The following EPS8L3 variants were observed in gnomAD, a reference collection of about 807,000 sequenced individuals.
The protein encoded by EPS8L3 is EPS8 signaling adaptor L3.
EPS8L3 carries 80 observed loss-of-function variants against 88.5 expected under a neutral mutation model. The ratio of observed to expected loss-of-function variants is 0.90; its 90% CI spans 0.75 to 1.09. The LOEUF (loss-of-function observed/expected upper bound fraction) is 1.09. Among genes scored for constraint, EPS8L3 ranks in the 50% least tolerant of loss-of-function variants. The pLI is 0.00. For missense variants in EPS8L3, 721 were observed against 735.2 expected (o/e 0.98, Z 0.22); for synonymous variants, 286 against 291.0 (o/e 0.98, Z 0.18).
chr1:109,753,968 C>T (rs1163741625), intron 12 of EPS8L3, among the ~76,000 whole-genome samples: 1 of 152,192 alleles, frequency 6.6e-6, no homozygotes, highest in African/African-American at 2.4e-5. Context: ...TCCTTGGGGG[C>T]TGTACCCCTA....
chr1:109,755,617 C>T (rs1650212564), intron 12 of EPS8L3, among the ~76,000 whole-genome samples: 1 of 151,962 alleles, frequency 6.6e-6, no homozygotes, highest in Non-Finnish European at 1.5e-5. Context: ...CCAGCCTGAG[C>T]AACATGGTGA....
chr1:109,751,394 A>T, intron 16 of EPS8L3, 43 bp from the exon 17 acceptor site: 1 of 1,562,766 alleles, frequency 6.4e-7, no homozygotes, highest in Middle Eastern at 1.7e-4. Flanking sequence ...ATCTCATCTC[A>T]CAGCCAACCA....
In EPS8L3 at chr1:109,752,064, C is replaced by T. The variant is rs1649848262; in HGVS notation, c.1365G>A (p.Met455Ile). ...SPKPAQPALK[M>I]QVLYEFEARN... ...TAGCTTCAAACTCGTACAAGACTTG[C>T]ATTTTCAGGGCTGGCTGGGCAGGTT... Residue 455 changes from methionine to isoleucine, a missense_variant, in exon 15 of 19, where the codon ATG becomes ATA. By Grantham distance (10) the Met-to-Ile change is conservative. Transcript: ENST00000361965. The T allele has an allele frequency of 1.9e-6, 3 of 1,614,044 alleles. No homozygotes were observed. The highest frequency in any genetic ancestry group is 2.5e-6 in the Non-Finnish European group (3 of 1,179,988).
chr1:109,761,546 C>T lies in EPS8L3; in HGVS notation c.45G>A (p.Glu15=), dbSNP rs372985088. 89 of 1,613,606 alleles carry T rather than the reference C, an allele frequency of 5.5e-5. No homozygotes were observed. The highest frequency in any genetic ancestry group is 3.3e-4 in the Middle Eastern group (2 of 6,084). ...SSRAIYLHRK[E]YSQNLTSEPT... Reference sequence around the variant, plus strand: ...GCTCTGAGGTGAGGTTCTGGGAGTACTCCTTCCGGTGCACTACAAGGGCAC... The same window carrying T: ...GCTCTGAGGTGAGGTTCTGGGAGTATTCCTTCCGGTGCACTACAAGGGCAC... The change falls in exon 3 of 19, where the codon GAG becomes GAA. Residue 15 remains glutamate, a synonymous_variant. Transcript: ENST00000361965.
intron 1 of EPS8L3, among the ~76,000 whole-genome samples, chr1:109,762,651 A>G (rs1376082139): frequency 2.0e-5 from 3 of 152,158 alleles, no homozygotes; most frequent in Non-Finnish European, 4.4e-5. Context: ...CGTGCCTAGC[A>G]CTGTTCTAAC....
Position 109,761,733 on chromosome 1 carries a change from C to T in EPS8L3, c.17G>A (p.Ser6Asn). 1 of 1,613,966 alleles carries T rather than the reference C, an allele frequency of 6.2e-7. No homozygotes were observed. Among genetic ancestry groups the T allele is most frequent in the African/African-American group, 1.3e-5 (1 of 75,022 alleles). The change falls in exon 2 of 19, where the codon AGC becomes AAC. Residue 6 changes from serine to asparagine, a missense_variant. Ser to Asn is a conservative substitution (Grantham distance 46). Transcript: ENST00000361965. MSRPS[S>N]RAIYLHRKEY... is the part of the protein sequence containing the mutation. The stretch of plus-strand genomic sequence containing the variant: ...CAGGAGCTTACAGTAAATGGCTCTG[C>T]TGCTGGGCCTTGACATGTTGACGCT...
chr1:109,750,767 T>C lies in EPS8L3; in HGVS notation c.1663A>G (p.Thr555Ala). ...TATVRTLGSLTGSQLLRIRPG... is the reference protein window; with the variant it reads ...TATVRTLGSLAGSQLLRIRPG... The stretch of plus-strand genomic sequence containing the variant: ...CTTATGCGAAGTAGCTGGCTCCCCG[T>C]CAGGGACCCAAGTGTCCTCACCGTG... Residue 555 changes from threonine (T) to alanine (A), a missense_variant, in exon 18 of 19, where the codon ACG becomes GCG. By Grantham distance (58) the Thr-to-Ala change is moderately conservative (BLOSUM62 0). Coordinates refer to ENST00000361965, the MANE Select transcript of EPS8L3 (RefSeq NM_133181.4). 6.2e-7 allele frequency: 1 copy of C among 1,614,098 alleles called. No individual in the cohort carries two copies. Among genetic ancestry groups the C allele is most frequent in the Non-Finnish European group, 8.5e-7 (1 of 1,180,024 alleles).
At chr1:109,761,803 A>C in intron 1 of EPS8L3, 30 bp from the exon 2 acceptor site, 2 of 1,605,242 alleles carry the variant, frequency 1.2e-6, no homozygotes, top group Non-Finnish European at 1.7e-6. Flanking sequence ...AGAGGCAGCC[A>C]TCAGAGCTGG....
At chr1:109,756,487 C>G (rs1323917708) in intron 12 of EPS8L3, among the ~76,000 whole-genome samples, 5 of 152,206 alleles carry the variant, frequency 3.3e-5, no homozygotes, top group African/African-American at 1.2e-4. Context: ...ATCCGCCCAC[C>G]TGGCCTCCCA....
In EPS8L3 at chr1:109,750,690, G is replaced by A; in HGVS notation, c.1740C>T (p.Ser580=). The change falls in exon 18 of 19, where the codon TCC becomes TCT. Residue 580 remains serine, a synonymous_variant. Transcript: ENST00000361965. ...GCATCCTTCTGACAGCCTCCAGCCGGGACAGGATTCGTGGGGCCTCCTGTG... is the reference window on the plus strand; with the variant it reads ...GCATCCTTCTGACAGCCTCCAGCCGAGACAGGATTCGTGGGGCCTCCTGTG... The part of the protein sequence containing the change: ...LCPQEAPRIL[S]RLEAVRRMLG... 3 of 1,614,180 alleles carry A rather than the reference G, an allele frequency of 1.9e-6. No homozygotes were observed. Among genetic ancestry groups the A allele is most frequent in the Non-Finnish European group, 2.5e-6 (3 of 1,180,040 alleles).
rs1312814738 is a variant in EPS8L3 at position 109,757,981 on chromosome 1, C to T, written c.795G>A (p.Arg265=). The change falls in exon 9 of 19, where the codon AGG becomes AGA. Residue 265 remains arginine (R), a synonymous_variant. Coordinates refer to ENST00000361965, the MANE Select transcript of EPS8L3 (RefSeq NM_133181.4). ...TGTTTTTTTTCCCAAATTTCTTCTTCCTGCTGGTCTTTGCCTGGGCCTTCT... is the reference window on the plus strand; with the variant it reads ...TGTTTTTTTTCCCAAATTTCTTCTTTCTGCTGGTCTTTGCCTGGGCCTTCT... ...KLEKAQAKTS[R]KKKFGKKNKD... The T allele has an allele frequency of 8.7e-6, 14 of 1,614,230 alleles. No individual in the cohort carries two copies. Among genetic ancestry groups the T allele is most frequent in the Non-Finnish European group, 1.2e-5 (14 of 1,180,026 alleles).
rs1342909687 is a variant in EPS8L3 at position 109,759,191 on chromosome 1, G to A, written c.405+47C>T. 1 of 1,600,556 alleles carries A rather than the reference G, an allele frequency of 6.2e-7. No individual in the cohort carries two copies. The highest frequency in any genetic ancestry group is 8.6e-7 in the Non-Finnish European group (1 of 1,169,416). ...TGTGTGTGTGTGTGTGTGGTGGGGT[G>A]ATGGTCGATGAACCCCACCCCTGAC... On this transcript the variant is annotated intron_variant, in intron 5 of 18. Coordinates refer to ENST00000361965, the MANE Select transcript of EPS8L3 (RefSeq NM_133181.4). The surrounding 1 kb of genome is among the most constrained non-coding windows in gnomAD (Gnocchi z 4.2).
intron 6 of EPS8L3, 80 bp downstream of exon 6, chr1:109,758,982 C>A: frequency 6.9e-7 from 1 of 1,440,196 alleles, no homozygotes; most frequent in Non-Finnish European, 9.5e-7. Flanking sequence ...CTCCTGGGTG[C>A]CCCAAGATAT....
At chr1:109,763,631 G>C (rs1354592220) in intron 1 of EPS8L3, among the ~76,000 whole-genome samples, 191 bp downstream of exon 1, 5 of 152,180 alleles carry the variant, frequency 3.3e-5, no homozygotes, top group African/African-American at 1.2e-4. Flanking sequence ...CCGGAGCCTG[G>C]ACCTCGCTCT....
chr1:109,757,759 G>A (rs1423800260), intron 10 of EPS8L3, 43 bp downstream of exon 10: 1 of 1,583,524 alleles, frequency 6.3e-7, no homozygotes, highest in Non-Finnish European at 8.7e-7. Flanking sequence ...TGGGGAGGAA[G>A]GGGAAGAGGA....
In EPS8L3 at chr1:109,751,349, A is replaced by C; in HGVS notation, c.1566T>G (p.Val522=). 1 of 1,613,546 alleles carries C rather than the reference A, an allele frequency of 6.2e-7. No individual in the cohort carries two copies. Among genetic ancestry groups the C allele is most frequent in the Non-Finnish European group, 8.5e-7 (1 of 1,179,944 alleles). Residue 522 remains valine, a splice_region_variant and synonymous_variant, in exon 17 of 19, where the codon GTT becomes GTG. Transcript: ENST00000361965. ...PGTQGQSPSR[V]PMLRLSSRPE... is the part of the protein sequence containing the mutation. ...GCCTCGAGCTAAGTCGAAGCATTGGAACCTAGAATCAGGGGGAACCAGGGA... is the reference window on the plus strand; with the variant it reads ...GCCTCGAGCTAAGTCGAAGCATTGGCACCTAGAATCAGGGGGAACCAGGGA...
chr1:109,763,481 G>C (rs1651220064), intron 1 of EPS8L3, among the ~76,000 whole-genome samples: 1 of 152,180 alleles, frequency 6.6e-6, no homozygotes, highest in Non-Finnish European at 1.5e-5. Context: ...GGAAGAGGGA[G>C]CTGGCTTGGC....
intron 16 of EPS8L3, 36 bp from the exon 17 acceptor site, chr1:109,751,387 T>A: frequency 2.5e-6 from 4 of 1,599,702 alleles, no homozygotes; most frequent in Non-Finnish European, 3.4e-6. Context: ...AGAGTCCATC[T>A]CATCTCACAG....
Position 109,758,001 on chromosome 1 carries a change from C to G in EPS8L3, c.775G>C (p.Ala259Pro). ...IELFMGKLEK[A>P]QAKTSRKKKF... ...TTCTTCCTGCTGGTCTTTGCCTGGG[C>G]CTTCTCCAGCTTTCCCATGAACAGC... Residue 259 changes from alanine (A) to proline (P), a missense_variant, in exon 9 of 19, where the codon GCC becomes CCC. By Grantham distance (27) the Ala-to-Pro change is conservative (BLOSUM62 -1). Coordinates refer to ENST00000361965, the MANE Select transcript of EPS8L3 (RefSeq NM_133181.4). 5 of 1,614,172 alleles carry G rather than the reference C, an allele frequency of 3.1e-6. No homozygotes were observed. Among genetic ancestry groups the G allele is most frequent in the Non-Finnish European group, 4.2e-6 (5 of 1,180,024 alleles).
Sources: gnomAD v4.1 joint callset for allele counts (sites outside exome capture counted in the v4.1 genomes callset) on GRCh38, gnomAD v4.1.1 for gene constraint, Gnocchi (gnomAD v3.1) non-coding constraint, MANE v1.5 for transcripts, NCBI Gene and HGNC (gene_info 2026-07-23, HGNC 2026-07-21) for gene names.